Variants in SPAST observed in about 807,000 individuals in gnomAD.
SPAST encodes the protein spastin.
Under a neutral mutation model 76.6 loss-of-function variants are expected in SPAST, and 30 were observed. The ratio of observed to expected loss-of-function variants is 0.39; its 90% CI spans 0.29 to 0.53. The LOEUF is 0.53. Ranked by LOEUF, SPAST falls within the 20% of genes least tolerant of loss-of-function variation. SPAST has a pLI of 0.68. For missense variants in SPAST, 717 were observed against 770.5 expected (o/e 0.93, Z 0.82); for synonymous variants, 305 against 281.0 (o/e 1.09, Z -0.86).
At chr2:32,142,771 G>C (rs1679761423) in intron 13 of SPAST, among the ~76,000 whole-genome samples, 1 of 152,118 alleles carries the variant, frequency 6.6e-6, no homozygotes, top group African/African-American at 2.4e-5. Context: ...AGGATTAACT[G>C]CAAACAGGTA....
chr2:32,085,725 TTGTG>T (rs922338478), intron 1 of SPAST, among the ~76,000 whole-genome samples: 1 of 151,986 alleles, frequency 6.6e-6, no homozygotes, highest in African/African-American at 2.4e-5. Flanking sequence ...CTTAGTCACT[TTGTG>T]TGGTGTTTAT....
At chr2:32,079,709 C>G (rs751061801) in intron 1 of SPAST, among the ~76,000 whole-genome samples, 1 of 151,998 alleles carries the variant, frequency 6.6e-6, no homozygotes. Flanking sequence ...CAGGTGTGCA[C>G]CATCATGCCT....
intron 4 of SPAST, among the ~76,000 whole-genome samples, chr2:32,110,408 G>A (rs1342236160): frequency 1.4e-5 from 2 of 147,552 alleles, no homozygotes; most frequent in South Asian, 4.2e-4. Context: ...GTGAGCCACC[G>A]CGCCTGGTCC....
In SPAST at chr2:32,063,792, G is replaced by C; in HGVS notation, c.-40G>C. On this transcript the variant is annotated 5_prime_UTR_variant, in exon 1 of 17. Coordinates refer to ENST00000315285, the MANE Select transcript of SPAST (RefSeq NM_014946.4). ...CGTCGCTTGGTTCCCGTCGGTCTGC[G>C]GGAGGCGGGTTATGGCGGCGGCGGC... The C allele has an allele frequency of 6.5e-7, 1 of 1,549,690 alleles. No individual in the cohort carries two copies. The highest frequency in any genetic ancestry group is 8.6e-7 in the Non-Finnish European group (1 of 1,156,756).
chr2:32,087,861 AATT>A lies in SPAST; in HGVS notation c.502+312_502+314del, dbSNP rs34216464. Among the ~76,000 whole-genome samples, 71,762 of 141,058 alleles carry A rather than the reference AATT, an allele frequency of 0.51. 18,390 individuals are homozygous for A. Among genetic ancestry groups the A allele is most frequent in the Middle Eastern group, 0.59 (163 of 274 alleles). The allele number at this position is 141,058 out of a possible 152,430, so 92.5% of individuals were successfully genotyped here. ...CAGGCGCACACTACCATACTTAGCT[AATT>A]ATTATTATTATTATTATTATTATTA... On this transcript the variant is annotated intron_variant, in intron 2 of 16. Transcript: ENST00000315285.
chr2:32,075,352 G>A (rs904759932), intron 1 of SPAST, among the ~76,000 whole-genome samples: 7 of 147,784 alleles, frequency 4.7e-5, no homozygotes, highest in African/African-American at 1.7e-4. Context: ...CGAGAACCCA[G>A]GAGACAGAGC....
chr2:32,082,005 C>CTTTT (rs35493322), intron 1 of SPAST, among the ~76,000 whole-genome samples: 120 of 71,224 alleles, frequency 1.7e-3, no homozygotes, highest in Middle Eastern at 0.011. Context: ...AGTTCTCTCT[C>CTTTT]TTTTTTTTTT....
chr2:32,123,372 A>G (rs1175041836), intron 7 of SPAST, among the ~76,000 whole-genome samples: 1 of 152,224 alleles, frequency 6.6e-6, no homozygotes, highest in African/African-American at 2.4e-5. Context: ...AGCACTCATG[A>G]AAGAAATCAA....
At position 32,157,483 on chromosome 2, in the gene SPAST, G is replaced by A. The variant is rs770713063; in HGVS notation, c.*2987G>A. 1 of 152,430 alleles carries A rather than the reference G, an allele frequency of 6.6e-6. No homozygotes were observed. The highest frequency in any genetic ancestry group is 1.5e-5 in the Non-Finnish European group (1 of 67,988). 9.4% of individuals were successfully genotyped at this position (152,430 alleles called of 1,614,324 possible). On this transcript the variant is annotated 3_prime_UTR_variant, in exon 17 of 17. Transcript: ENST00000315285. Reference sequence around the variant, plus strand: ...TGGTAAAATGAACCATTTACAGTTCGGTTTTGGACTCTGAGTCAAAGGATT... The same window carrying A: ...TGGTAAAATGAACCATTTACAGTTCAGTTTTGGACTCTGAGTCAAAGGATT...
At chr2:32,093,019 A>T (rs542914571) in intron 3 of SPAST, among the ~76,000 whole-genome samples, 37 of 143,392 alleles carry the variant, frequency 2.6e-4, no homozygotes, top group Non-Finnish European at 4.3e-4. Flanking sequence ...AAAAAAAAAA[A>T]CGCCGGGCAC....
At chr2:32,087,418 C>T in intron 1 of SPAST, 74 bp from the exon 2 acceptor site, 3 of 869,222 alleles carry the variant, frequency 3.5e-6, no homozygotes, top group South Asian at 1.4e-5. Context: ...TTATGTATTA[C>T]CTCTCAACAG....
intron 9 of SPAST, among the ~76,000 whole-genome samples, chr2:32,132,542 T>A (rs80059899): frequency 9.4e-5 from 14 of 149,668 alleles, no homozygotes; most frequent in African/African-American, 3.2e-4. Flanking sequence ...TTTTTTTTTT[T>A]ATGAGACAGC....
At chr2:32,090,583 A>C (rs1677670178) in intron 3 of SPAST, among the ~76,000 whole-genome samples, 1 of 152,202 alleles carries the variant, frequency 6.6e-6, no homozygotes, top group Non-Finnish European at 1.5e-5. Context: ...TAATTTTCTC[A>C]AAATTTAATA....
Position 32,063,978 on chromosome 2 carries a change from C to T in SPAST, c.147C>T (p.Asn49=), listed in dbSNP as rs1386292852. 4 of 1,613,174 alleles carry T rather than the reference C, an allele frequency of 2.5e-6. No homozygotes were observed. The African/African-American group carries it at 5.3e-5, about 22-fold the overall frequency. Residue 49 remains asparagine, a synonymous_variant, in exon 1 of 17, where the codon AAC becomes AAT. Coordinates refer to ENST00000315285, the MANE Select transcript of SPAST (RefSeq NM_014946.4). ...CGCCCGAGTCGCCGCATAAGCGGAA[C>T]CTGTACTATTTCTCCTACCCGCTGT... The part of the protein sequence containing the change: ...APPPESPHKR[N]LYYFSYPLFV...
chr2:32,093,242 C>T (rs1233654911), intron 3 of SPAST, among the ~76,000 whole-genome samples: 3 of 132,432 alleles, frequency 2.3e-5, no homozygotes, highest in Non-Finnish European at 4.6e-5. Flanking sequence ...ACCCGGGAGG[C>T]GGAGCTTGCA....
chr2:32,148,742 T>C lies in SPAST; in HGVS notation c.1728+1484T>C, dbSNP rs1015087227. On this transcript the variant is annotated intron_variant, in intron 16 of 16. Transcript: ENST00000315285. ...AGGAGAATGGCGTGAACCTGGGAAG[T>C]GGAGCTTGCAGTGAGCCGAGATCGT... Among the ~76,000 whole-genome samples, 5 of 147,952 alleles carry C rather than the reference T, an allele frequency of 3.4e-5. No homozygotes were observed. The South Asian group carries it at 8.5e-4, about 25-fold the overall frequency.
At chr2:32,076,761 T>C (rs185296427) in intron 1 of SPAST, among the ~76,000 whole-genome samples, 1 of 152,226 alleles carries the variant, frequency 6.6e-6, no homozygotes, top group East Asian at 1.9e-4. Flanking sequence ...CATTTCATTA[T>C]ATGTTGCCTA....
chr2:32,087,010 C>T (rs1558622238), intron 1 of SPAST, among the ~76,000 whole-genome samples: 1 of 152,100 alleles, frequency 6.6e-6, no homozygotes, highest in Non-Finnish European at 1.5e-5. Context: ...TTAAATGCCA[C>T]ACTTGTAATC....
intron 12 of SPAST, among the ~76,000 whole-genome samples, chr2:32,138,167 G>C (rs549028983): frequency 6.6e-6 from 1 of 152,118 alleles, no homozygotes; most frequent in Non-Finnish European, 1.5e-5. Flanking sequence ...TTTCCTTTGG[G>C]TATATACCCA....
Sources: allele counts gnomAD v4.1 joint callset (sites outside exome capture counted in the v4.1 genomes callset), GRCh38; gene constraint gnomAD v4.1.1; transcripts MANE v1.5; gene names NCBI Gene and HGNC (gene_info 2026-07-23, HGNC 2026-07-21).